Variants in CELF2 observed in about 807,000 individuals in gnomAD.
CELF2 encodes CUGBP Elav-like family member 2.
In CELF2, 8 loss-of-function variants were observed where a neutral mutation model predicts 62.6. That is an observed-to-expected ratio of 0.13 (90% CI 0.07 to 0.23). The LOEUF is 0.23. Ranked by LOEUF, CELF2 falls within the 10% of genes least tolerant of loss-of-function variation. CELF2 has a pLI of 1.00. For synonymous variants in CELF2, 258 were observed against 250.0 expected (o/e 1.03, Z -0.30); for missense variants, 333 against 671.0 (o/e 0.50, Z 5.56).
chr10:10,598,751 C>CTTTTTTTTT, the CELF2 span, among the ~76,000 whole-genome samples: 63 of 69,588 alleles, frequency 9.1e-4, 5 homozygotes, highest in Non-Finnish European at 1.4e-3. Context: ...CTTTTTCTTT[C>CTTTTTTTTT]TTTTTTTTTT....
At chr10:11,283,185 G>A (rs1351580025) in intron 8 of CELF2, among the ~76,000 whole-genome samples, 1 of 152,208 alleles carries the variant, frequency 6.6e-6, no homozygotes, top group Admixed American at 6.5e-5. Flanking sequence ...CAGCTTCTCA[G>A]CTGGGCTGTG....
At chr10:10,802,340 C>T (rs535863409) in intron 1 of CELF2, among the ~76,000 whole-genome samples, 70 of 152,138 alleles carry the variant, frequency 4.6e-4, no homozygotes, top group South Asian at 1.0e-3. Context: ...TGTGGTGCCA[C>T]GCACCTGTAG....
In CELF2 at chr10:11,292,445, C is replaced by T. The variant is rs187430211; in HGVS notation, c.976+3893C>T. ...CCTTTCCATTGACAGGGGGCTTTGT[C>T]GCCACCTTCAATAGATGTCTGCATT... On this transcript the variant is annotated intron_variant, in intron 9 of 12. Transcript: ENST00000633077. Among the ~76,000 whole-genome samples, 253 of 152,316 alleles carry T rather than the reference C, an allele frequency of 1.7e-3. 4 individuals carry two copies. Among genetic ancestry groups the T allele is most frequent in the African/African-American group, 5.8e-3 (239 of 41,538 alleles).
chr10:10,808,546 G>A (rs1055168750), intron 1 of CELF2, among the ~76,000 whole-genome samples: 1 of 152,132 alleles, frequency 6.6e-6, no homozygotes, highest in African/African-American at 2.4e-5. Flanking sequence ...CAAAAGGTTC[G>A]ATTACTTGAC....
chr10:11,004,526 C>G (rs554239593), upstream of CELF2, among the ~76,000 whole-genome samples: 16 of 152,014 alleles, frequency 1.1e-4, no homozygotes, highest in Non-Finnish European at 2.1e-4. The surrounding 1 kb of genome is among the most constrained non-coding windows in gnomAD (Gnocchi z 5.0). Context: ...CCCTGGTTAA[C>G]TGTACATGCG....
the CELF2 span, among the ~76,000 whole-genome samples, chr10:10,484,960 G>A: frequency 1.3e-5 from 2 of 152,062 alleles, no homozygotes; most frequent in Non-Finnish European, 2.9e-5. Context: ...GATAGCTTCT[G>A]GATAATGCTT....
At chr10:11,106,593 G>C (rs1408051701) in intron 1 of CELF2, among the ~76,000 whole-genome samples, 2 of 152,216 alleles carry the variant, frequency 1.3e-5, no homozygotes. Flanking sequence ...CATTTCTGTA[G>C]AACTACGAAA....
chr10:10,589,960 C>T, the CELF2 span, among the ~76,000 whole-genome samples: 1 of 152,180 alleles, frequency 6.6e-6, no homozygotes, highest in Non-Finnish European at 1.5e-5. Flanking sequence ...GGGTGCCTAC[C>T]TCTAAGTAGC....
At chr10:11,326,576 G>C (rs2095746268) in intron 12 of CELF2, among the ~76,000 whole-genome samples, 1 of 152,216 alleles carries the variant, frequency 6.6e-6, no homozygotes, top group Non-Finnish European at 1.5e-5. Context: ...AAGCAGCCTG[G>C]ACTCTGCCTC....
chr10:11,155,669 C>G (rs1179558445), intron 1 of CELF2, among the ~76,000 whole-genome samples: 1 of 152,132 alleles, frequency 6.6e-6, no homozygotes, highest in Non-Finnish European at 1.5e-5. Flanking sequence ...AAATACATAT[C>G]CCTCTTCACA....
At chr10:10,832,986 T>G (rs2057995204) in intron 1 of CELF2, among the ~76,000 whole-genome samples, 1 of 151,320 alleles carries the variant, frequency 6.6e-6, no homozygotes, top group Non-Finnish European at 1.5e-5. Flanking sequence ...TTTGAAGTTT[T>G]TGAGCCTCCT....
At chr10:10,707,971 G>A in the CELF2 span, among the ~76,000 whole-genome samples, 5 of 152,056 alleles carry the variant, frequency 3.3e-5, no homozygotes, top group African/African-American at 1.2e-4. Context: ...TATCTTTAAC[G>A]TATATTATCA....
chr10:10,703,530 C>T, the CELF2 span, among the ~76,000 whole-genome samples: 1 of 152,140 alleles, frequency 6.6e-6, no homozygotes, highest in Non-Finnish European at 1.5e-5. Context: ...AAAACACAGC[C>T]CTTTCTACTA....
rs912846416 is a variant in CELF2, at chr10:10,908,856, C to T, written c.54-11108C>T. 3.9e-5 allele frequency among the ~76,000 whole-genome samples: 6 copies of T among 152,266 alleles called. No homozygotes were observed. The East Asian group carries it at 5.8e-4, about 15-fold the overall frequency. ...AGGCTAGAGTGCAGTGGCGCCATCT[C>T]GGCTCACTTCACCTTCCACCTCCCA... On this transcript the variant is annotated intron_variant, in intron 1 of 13. Transcript: ENST00000636488.
chr10:10,719,576 T>C, the CELF2 span, among the ~76,000 whole-genome samples: 2 of 152,192 alleles, frequency 1.3e-5, no homozygotes, highest in Non-Finnish European at 2.9e-5. Context: ...CCTATATTGA[T>C]TGCTTTTATA....
chr10:10,730,820 G>A, the CELF2 span, among the ~76,000 whole-genome samples: 1 of 152,190 alleles, frequency 6.6e-6, no homozygotes, highest in Non-Finnish European at 1.5e-5. Flanking sequence ...AGTGGGAGAT[G>A]CAGCAGAGTT....
chr10:10,649,257 T>G, the CELF2 span, among the ~76,000 whole-genome samples: 1 of 152,232 alleles, frequency 6.6e-6, no homozygotes, highest in Non-Finnish European at 1.5e-5. Flanking sequence ...ATTTTCTGAA[T>G]GCATTTGCCT....
the CELF2 span, among the ~76,000 whole-genome samples, chr10:10,718,273 C>G: frequency 6.6e-6 from 1 of 152,220 alleles, no homozygotes; most frequent in Admixed American, 6.5e-5. Flanking sequence ...AAAAACGCTT[C>G]CATTCTGTGT....
intron 1 of CELF2, among the ~76,000 whole-genome samples, chr10:10,889,244 C>T (rs1351681774): frequency 1.3e-5 from 2 of 152,200 alleles, no homozygotes; most frequent in Non-Finnish European, 2.9e-5. Context: ...GTTGTTTTCA[C>T]CTCTTCCCAG....
Sources: gnomAD v4.1 joint callset for allele counts (sites outside exome capture counted in the v4.1 genomes callset) on GRCh38, gnomAD v4.1.1 for gene constraint, Gnocchi (gnomAD v3.1) non-coding constraint, MANE v1.5 for transcripts, NCBI Gene and HGNC (gene_info 2026-07-23, HGNC 2026-07-21) for gene names.